Variants in CRYZL1 observed in about 807,000 individuals in gnomAD.
CRYZL1 encodes crystallin zeta like 1, also known as ferry endosomal RAB5 effector complex subunit 4.
CRYZL1 carries 34 observed loss-of-function variants against 50.6 expected under a neutral mutation model. The observed-to-expected ratio is 0.67, with a 90% CI of 0.51 to 0.89. The LOEUF (loss-of-function observed/expected upper bound fraction) is 0.89, where lower values mean the gene tolerates loss of function less well. Among genes scored for constraint, CRYZL1 ranks in the 40% least tolerant of loss-of-function variants. CRYZL1 has a pLI of 0.00. For synonymous variants in CRYZL1, 125 were observed against 134.3 expected, an observed-to-expected ratio of 0.93 and a Z score of 0.48; for missense variants, 354 against 402.3, an observed-to-expected ratio of 0.88 and a Z score of 1.03.
At position 33,624,311 on chromosome 21, in the gene CRYZL1, C is replaced by G. The variant is rs1325893204; in HGVS notation, c.144+372G>C. Among the ~76,000 whole-genome samples, 8 of 152,254 alleles carry G rather than the reference C, an allele frequency of 5.3e-5. No individual in the cohort carries two copies. In the East Asian group the frequency reaches 1.5e-3, roughly 29 times the overall value. On this transcript the variant is annotated intron_variant, in intron 3 of 12. Coordinates refer to ENST00000381554, the MANE Select transcript of CRYZL1 (RefSeq NM_145858.3). Reference sequence around the variant, plus strand: ...CCTGGAATCCCAGCACTTTGGGAGACCGAGGCAGGTGGATCCCCTGAGGTC... The same window carrying G: ...CCTGGAATCCCAGCACTTTGGGAGAGCGAGGCAGGTGGATCCCCTGAGGTC...
rs1168334838 is a variant in CRYZL1, at chr21:33,631,471, A to C, written c.66+15T>G. On this transcript the variant is annotated intron_variant, in intron 2 of 12. Transcript: ENST00000381554. ...AATACACTAACTACTTTAATGATTAAACATTTTTTCTTACCTTTTCTTGAA... is the reference window on the plus strand; with the variant it reads ...AATACACTAACTACTTTAATGATTACACATTTTTTCTTACCTTTTCTTGAA... 6.7e-7 allele frequency: 1 copy of C among 1,490,386 alleles called. No homozygotes were observed. Among genetic ancestry groups the C allele is most frequent in the East Asian group, 2.5e-5 (1 of 39,796 alleles). 92.3% of individuals were successfully genotyped at this position (1,490,386 alleles called of 1,614,324 possible).
intron 1 of CRYZL1, among the ~76,000 whole-genome samples, chr21:33,638,498 C>A (rs1479892171): frequency 5.9e-5 from 9 of 152,198 alleles, no homozygotes; most frequent in Admixed American, 5.9e-4. Context: ...CAGGCGTGAG[C>A]CACTGCACTT....
intron 1 of CRYZL1, among the ~76,000 whole-genome samples, chr21:33,632,619 C>G (rs535550166): frequency 2.0e-5 from 3 of 152,054 alleles, no homozygotes; most frequent in Non-Finnish European, 4.4e-5. Flanking sequence ...CTCAGGTGAT[C>G]CACCCGCCTC....
chr21:33,603,677 T>C, intron 6 of CRYZL1, 140 bp from the exon 7 acceptor site: 1 of 829,584 alleles, frequency 1.2e-6, no homozygotes, highest in African/African-American at 1.7e-5. Context: ...TACAATACTT[T>C]CCATTATTTG....
At chr21:33,629,106 A>G (rs2087106962) in intron 2 of CRYZL1, among the ~76,000 whole-genome samples, 2 of 151,510 alleles carry the variant, frequency 1.3e-5, no homozygotes, top group South Asian at 2.1e-4. Context: ...ATGGTGGCAC[A>G]TGTCTGTAGT....
At chr21:33,632,136 G>A (rs977338860) in intron 1 of CRYZL1, among the ~76,000 whole-genome samples, 55 of 144,426 alleles carry the variant, frequency 3.8e-4, no homozygotes, top group African/African-American at 1.0e-3. Context: ...CAGCCTGACC[G>A]ACATGGAGAA....
At chr21:33,597,726 C>T (rs1276023109) in intron 9 of CRYZL1, among the ~76,000 whole-genome samples, 1 of 152,210 alleles carries the variant, frequency 6.6e-6, no homozygotes, top group Non-Finnish European at 1.5e-5. Flanking sequence ...CATCCTCCTG[C>T]CTCAGCCTCC....
At chr21:33,612,289 T>A (rs1037342796) in intron 6 of CRYZL1, among the ~76,000 whole-genome samples, 4 of 147,856 alleles carry the variant, frequency 2.7e-5, no homozygotes, top group Non-Finnish European at 6.0e-5. Context: ...GGATGGTCAT[T>A]TTTTTTTTTT....
chr21:33,637,788 T>TATATATATATATATAC (rs1491462371), intron 1 of CRYZL1, among the ~76,000 whole-genome samples: 2 of 117,220 alleles, frequency 1.7e-5, no homozygotes, highest in African/African-American at 6.2e-5. Flanking sequence ...TATATATATA[T>TATATATATATATATAC]ACACACACAC....
intron 4 of CRYZL1, among the ~76,000 whole-genome samples, chr21:33,621,404 C>G (rs1377799300): frequency 6.6e-6 from 1 of 151,230 alleles, no homozygotes; most frequent in Non-Finnish European, 1.5e-5. Flanking sequence ...TGCAGTGGCG[C>G]CATCTCGGCT....
chr21:33,607,214 TTAACTC>T (rs2086823194), intron 6 of CRYZL1, among the ~76,000 whole-genome samples: 3 of 152,332 alleles, frequency 2.0e-5, no homozygotes, highest in South Asian at 2.1e-4. Flanking sequence ...ACTCTACTCT[TTAACTC>T]TATTATCAAG....
chr21:33,640,502 C>T (rs2087271412), intron 1 of CRYZL1, among the ~76,000 whole-genome samples: 1 of 151,908 alleles, frequency 6.6e-6, no homozygotes, highest in African/African-American at 2.4e-5. Flanking sequence ...ATAATAATAG[C>T]AGTTATCTCA....
rs1179769141 is a variant in CRYZL1 at position 33,589,453 on chromosome 21, T to C, written c.*369A>G. ...GAGAACGGAGTTGATACAAAATTAATACGTTACTTTGATAGCTTAGCAAAG... is the reference window on the plus strand; with the variant it reads ...GAGAACGGAGTTGATACAAAATTAACACGTTACTTTGATAGCTTAGCAAAG... On this transcript the variant is annotated 3_prime_UTR_variant, in exon 13 of 13. Coordinates refer to ENST00000381554, the MANE Select transcript of CRYZL1 (RefSeq NM_145858.3). The C allele has an allele frequency of 8.8e-6, 3 of 340,454 alleles. No individual in the cohort carries two copies. Among genetic ancestry groups the C allele is most frequent in the Non-Finnish European group, 5.3e-6 (1 of 190,002 alleles). 21.1% of individuals were successfully genotyped at this position (340,454 alleles called of 1,614,324 possible).
intron 4 of CRYZL1, among the ~76,000 whole-genome samples, chr21:33,621,146 C>T (rs2086995201): frequency 6.7e-6 from 1 of 149,120 alleles, no homozygotes; most frequent in African/African-American, 2.5e-5. Context: ...ACCTCGTGAT[C>T]CGCCCGCCTC....
At chr21:33,593,984 A>C (rs2086669037) in intron 11 of CRYZL1, among the ~76,000 whole-genome samples, 1 of 21,544 alleles carries the variant, frequency 4.6e-5, no homozygotes, top group East Asian at 2.7e-3. Context: ...CTCTGTCTCA[A>C]AAAAAAAAAA....
At chr21:33,641,029 T>A (rs986958907) in intron 1 of CRYZL1, 2 of 1,247,732 alleles carry the variant, frequency 1.6e-6, no homozygotes, top group Non-Finnish European at 2.0e-6. Flanking sequence ...ACCCCAAAAT[T>A]AAAATGACAT....
chr21:33,601,871 T>C (rs926689189), intron 8 of CRYZL1, among the ~76,000 whole-genome samples: 4 of 151,620 alleles, frequency 2.6e-5, no homozygotes, highest in African/African-American at 9.7e-5. Flanking sequence ...TGAGCCACGA[T>C]TGTGCCATTG....
At chr21:33,593,130 G>A (rs1045584569) in intron 11 of CRYZL1, among the ~76,000 whole-genome samples, 25 of 150,816 alleles carry the variant, frequency 1.7e-4, no homozygotes, top group African/African-American at 5.6e-4. Context: ...TTTTTGAGAC[G>A]GAGTCTCGCT....
chr21:33,615,343 G>A (rs566489510), intron 5 of CRYZL1, among the ~76,000 whole-genome samples: 2 of 151,746 alleles, frequency 1.3e-5, no homozygotes, highest in East Asian at 1.9e-4. Flanking sequence ...ATGTAGAGTC[G>A]AGCTTTTGCA....
Sources: gnomAD v4.1 joint callset for allele counts (sites outside exome capture counted in the v4.1 genomes callset) on GRCh38, gnomAD v4.1.1 for gene constraint, MANE v1.5 for transcripts, NCBI Gene and HGNC (gene_info 2026-07-23, HGNC 2026-07-21) for gene names.